The following CDK6 variants were observed in gnomAD, a reference collection of about 807,000 sequenced individuals.
The protein encoded by CDK6 is cyclin dependent kinase 6.
A neutral mutation model predicts 37.1 loss-of-function variants in CDK6; 6 were observed. The observed-to-expected ratio is 0.16, with a 90% confidence interval of 0.09 to 0.32. The LOEUF is 0.32. Among genes scored for constraint, CDK6 ranks in the 10% least tolerant of loss-of-function variants. The probability of loss-of-function intolerance (pLI) is 1.00; values close to 1 mark genes in which losing one functional copy is unlikely to be tolerated. For missense variants in CDK6, 224 were observed against 418.9 expected, an observed-to-expected ratio of 0.53 and a Z score of 4.06; for synonymous variants, 160 against 161.3, an observed-to-expected ratio of 0.99 and a Z score of 0.06.
chr7:92,629,260 T>C (rs1373430983), intron 5 of CDK6, among the ~76,000 whole-genome samples: 1 of 152,118 alleles, frequency 6.6e-6, no homozygotes, highest in Non-Finnish European at 1.5e-5. Context: ...CTGGCATCCC[T>C]GTCCATAGGA....
intron 5 of CDK6, among the ~76,000 whole-genome samples, chr7:92,624,767 G>A (rs1367542313): frequency 6.6e-6 from 1 of 152,058 alleles, no homozygotes; most frequent in East Asian, 1.9e-4. Context: ...ATAATTTATT[G>A]AGCATGAATG....
At chr7:92,739,435 C>T (rs1019895086) in intron 3 of CDK6, among the ~76,000 whole-genome samples, 1 of 152,210 alleles carries the variant, frequency 6.6e-6, no homozygotes. Context: ...AGTTTCTTTA[C>T]TCCCACCAAA....
intron 6 of CDK6, among the ~76,000 whole-genome samples, chr7:92,621,217 T>C (rs1411697850): frequency 6.6e-6 from 1 of 152,234 alleles, no homozygotes; most frequent in African/African-American, 2.4e-5. Flanking sequence ...GGCAAGGTAA[T>C]GCATTCAGAG....
At chr7:92,686,957 T>C (rs1341415154) in intron 4 of CDK6, among the ~76,000 whole-genome samples, 1 of 152,216 alleles carries the variant, frequency 6.6e-6, no homozygotes, top group Non-Finnish European at 1.5e-5. Flanking sequence ...TAGCCCACTT[T>C]TTCAAAGGAA....
intron 2 of CDK6, among the ~76,000 whole-genome samples, chr7:92,778,661 T>C (rs1799907109): frequency 6.6e-6 from 1 of 152,038 alleles, no homozygotes; most frequent in African/African-American, 2.4e-5. Context: ...AGTTCCACAA[T>C]CCCCAACTTT....
At position 92,653,807 on chromosome 7, in the gene CDK6, G is replaced by A. The variant is rs183412969; in HGVS notation, c.647+17619C>T. Among the ~76,000 whole-genome samples, 9 of 152,008 alleles carry A rather than the reference G, an allele frequency of 5.9e-5. No homozygotes were observed. In the East Asian group the frequency reaches 1.5e-3, roughly 26 times the overall value. ...TCGTATTTAGAGACAGGGTCTCACC[G>A]TGTTGTCCAGGCTGGTTTCAAACTC... On this transcript the variant is annotated intron_variant, in intron 5 of 7. Coordinates refer to ENST00000424848, the MANE Select transcript of CDK6 (RefSeq NM_001145306.2).
At chr7:92,690,062 C>G (rs1448387759) in intron 4 of CDK6, among the ~76,000 whole-genome samples, 1 of 152,066 alleles carries the variant, frequency 6.6e-6, no homozygotes. Context: ...TTCTCCCATT[C>G]TGTAGGCTGT....
chr7:92,770,536 T>C (rs533923049), intron 3 of CDK6, among the ~76,000 whole-genome samples: 4 of 152,286 alleles, frequency 2.6e-5, no homozygotes, highest in South Asian at 2.1e-4. Flanking sequence ...TTAGTACTTA[T>C]GGCTTATGGT....
rs1795518973 is a variant in CDK6, at chr7:92,609,689, C to A, written c.*5451G>T. The stretch of plus-strand genomic sequence containing the variant: ...AGCAGAGAGGGTATGTGTGTTTTAA[C>A]TGGGGCCACTAAAGGAGTTTTATAC... On this transcript the variant is annotated 3_prime_UTR_variant, in exon 8 of 8. Transcript: ENST00000424848. 1 of 231,346 alleles carries A rather than the reference C, an allele frequency of 4.3e-6. No individual in the cohort carries two copies. Among genetic ancestry groups the A allele is most frequent in the Non-Finnish European group, 8.6e-6 (1 of 116,882 alleles). 14.3% of individuals were successfully genotyped at this position (231,346 alleles called of 1,614,324 possible). A position where few individuals can be genotyped will look rare whatever the true frequency, so the allele number is the denominator to read the frequency against.
intron 4 of CDK6, among the ~76,000 whole-genome samples, chr7:92,681,605 C>T (rs533438427): frequency 7.5e-4 from 114 of 152,180 alleles, no homozygotes; most frequent in Admixed American, 1.4e-3. Context: ...ACAGTGTGGT[C>T]GCAAATTAGG....
At chr7:92,820,524 G>A (rs990193248) in intron 2 of CDK6, among the ~76,000 whole-genome samples, 1 of 152,122 alleles carries the variant, frequency 6.6e-6, no homozygotes. Flanking sequence ...ATGTTAAAGG[G>A]AGAACATAAG....
intron 2 of CDK6, among the ~76,000 whole-genome samples, chr7:92,780,186 GGCCTCGAACTCCT>G (rs1185803922): frequency 6.6e-6 from 1 of 152,068 alleles, no homozygotes; most frequent in African/African-American, 2.4e-5. Context: ...TGGCCAGGCT[GGCCTCGAACTCCT>G]GACCTCAAGT....
chr7:92,830,860 C>G (rs1216848509), intron 2 of CDK6, among the ~76,000 whole-genome samples: 2 of 152,082 alleles, frequency 1.3e-5, no homozygotes, highest in Non-Finnish European at 2.9e-5. Context: ...CTTCTTGGTT[C>G]CAGAGCCTGT....
intron 4 of CDK6, among the ~76,000 whole-genome samples, chr7:92,688,401 G>T (rs893951249): frequency 1.3e-5 from 2 of 152,128 alleles, no homozygotes; most frequent in African/African-American, 4.8e-5. Flanking sequence ...AATAGTGTCT[G>T]TCATTTGTGA....
intron 2 of CDK6, among the ~76,000 whole-genome samples, chr7:92,785,051 G>A (rs1221678487): frequency 6.6e-6 from 1 of 152,116 alleles, no homozygotes; most frequent in Non-Finnish European, 1.5e-5. Context: ...AGACACAAAT[G>A]TTCACTGAAT....
intron 5 of CDK6, among the ~76,000 whole-genome samples, chr7:92,652,007 G>T (rs78716704): frequency 0.053 from 8,024 of 152,212 alleles, 237 homozygotes; most frequent in Non-Finnish European, 0.058. Context: ...GAGTCAACAC[G>T]CTCACTTATA....
chr7:92,607,650 G>C lies in CDK6; in HGVS notation c.*7490C>G, dbSNP rs1304650040. On this transcript the variant is annotated 3_prime_UTR_variant, in exon 8 of 8. Transcript: ENST00000424848. ...CTTCAGTTGTACTTTCACAGGACTA[G>C]TGTGATTCAGAAATAAATAACATAC... 1 of 232,354 alleles carries C rather than the reference G, an allele frequency of 4.3e-6. No homozygotes were observed. The highest frequency in any genetic ancestry group is 8.5e-6 in the Non-Finnish European group (1 of 117,698). 14.4% of individuals were successfully genotyped at this position (232,354 alleles called of 1,614,324 possible).
At chr7:92,652,717 G>A (rs1431447457) in intron 5 of CDK6, among the ~76,000 whole-genome samples, 1 of 152,172 alleles carries the variant, frequency 6.6e-6, no homozygotes, top group Non-Finnish European at 1.5e-5. Context: ...GGTGAGGTCT[G>A]CTGAAGTCAT....
intron 2 of CDK6, among the ~76,000 whole-genome samples, chr7:92,801,257 A>C (rs1358784472): frequency 6.6e-6 from 1 of 152,160 alleles, no homozygotes; most frequent in Non-Finnish European, 1.5e-5. Flanking sequence ...AGCAGAGAAC[A>C]ACTTTTATTT....
Sources: gnomAD v4.1 joint callset for allele counts (sites outside exome capture counted in the v4.1 genomes callset) on GRCh38, gnomAD v4.1.1 for gene constraint, MANE v1.5 for transcripts, NCBI Gene and HGNC (gene_info 2026-07-23, HGNC 2026-07-21) for gene names.